PALM2AKAP2: variants seen among roughly 807,000 people sequenced by gnomAD.
PALM2AKAP2 encodes the protein PALM2 and AKAP2 fusion, also known as PALM2-AKAP2 fusion protein.
Under a neutral mutation model 71.5 loss-of-function variants are expected in PALM2AKAP2, and 37 were observed. The observed-to-expected ratio is 0.52, with a 90% CI of 0.40 to 0.68. PALM2AKAP2 has a LOEUF of 0.68. Among genes scored for constraint, PALM2AKAP2 ranks in the 30% least tolerant of loss-of-function variants. The probability of loss-of-function intolerance (pLI) is 0.00; values close to 1 mark genes in which losing one functional copy is unlikely to be tolerated. For missense variants in PALM2AKAP2, 1,224 were observed against 1,191.8 expected, an observed-to-expected ratio of 1.03 and a Z score of -0.40; for synonymous variants, 468 against 478.8, an observed-to-expected ratio of 0.98 and a Z score of 0.29.
At chr9:109,975,897 T>G (rs1832164485) in intron 6 of PALM2AKAP2, among the ~76,000 whole-genome samples, 2 of 152,218 alleles carry the variant, frequency 1.3e-5, no homozygotes, top group Non-Finnish European at 2.9e-5. Flanking sequence ...AAGAGCAGAT[T>G]AAGCAAGTAT....
rs192749545 is a variant in PALM2AKAP2, at chr9:109,816,175, C to T, written c.45+35642C>T. On this transcript the variant is annotated intron_variant, in intron 1 of 9. Coordinates refer to the PALM2AKAP2 transcript ENST00000302798. Reference sequence around the variant, plus strand: ...ATTTGTAGTGTCGTTCTCCTACACTCCAGGGCACCTTATGTAGGTGTTTGA... The same window carrying T: ...ATTTGTAGTGTCGTTCTCCTACACTTCAGGGCACCTTATGTAGGTGTTTGA... Among the ~76,000 whole-genome samples the T allele has an allele frequency of 1.1e-4, 16 of 152,262 alleles. No individual in the cohort carries two copies. The East Asian group carries it at 2.7e-3, about 26-fold the overall frequency.
chr9:109,844,367 A>C (rs1828792611), intron 1 of PALM2AKAP2, among the ~76,000 whole-genome samples: 1 of 152,240 alleles, frequency 6.6e-6, no homozygotes, highest in South Asian at 2.1e-4. Flanking sequence ...CAAAATGGAA[A>C]TACCCCAAAT....
intron 5 of PALM2AKAP2, among the ~76,000 whole-genome samples, chr9:109,930,621 A>C (rs1249171057): frequency 6.6e-6 from 1 of 152,248 alleles, no homozygotes; most frequent in Middle Eastern, 3.2e-3. Flanking sequence ...TTTGCAAGTC[A>C]GAAAAGGGTC....
chr9:110,154,482 C>CAAGTCT (rs1455132123), intron 2 of PALM2AKAP2, among the ~76,000 whole-genome samples: 1 of 152,108 alleles, frequency 6.6e-6, no homozygotes, highest in Non-Finnish European at 1.5e-5. Flanking sequence ...AATAATTCAG[C>CAAGTCT]AAGTCTAAGG....
At chr9:110,011,856 C>T (rs1185266574) in intron 6 of PALM2AKAP2, among the ~76,000 whole-genome samples, 1 of 152,226 alleles carries the variant, frequency 6.6e-6, no homozygotes, top group Non-Finnish European at 1.5e-5. Context: ...AGTGGGATGT[C>T]ATTCAGCTTC....
At chr9:109,750,399 T>C (rs901305185) in intron 1 of PALM2AKAP2, among the ~76,000 whole-genome samples, 2 of 152,142 alleles carry the variant, frequency 1.3e-5, no homozygotes, top group Non-Finnish European at 2.9e-5. Context: ...AAAATTCATA[T>C]AATTCTGCAA....
At chr9:109,730,356 G>A (rs1427941116) in intron 1 of PALM2AKAP2, among the ~76,000 whole-genome samples, 1 of 152,152 alleles carries the variant, frequency 6.6e-6, no homozygotes, top group South Asian at 2.1e-4. Context: ...CAAAACATAA[G>A]CATTATACTA....
chr9:110,092,010 T>C (rs1466041589), intron 1 of PALM2AKAP2, among the ~76,000 whole-genome samples: 2 of 152,150 alleles, frequency 1.3e-5, no homozygotes, highest in African/African-American at 4.8e-5. Context: ...TCTGACACTT[T>C]TCATGTGAAA....
intron 1 of PALM2AKAP2, among the ~76,000 whole-genome samples, chr9:109,674,605 G>A (rs951301019): frequency 2.0e-5 from 3 of 152,068 alleles, no homozygotes; most frequent in African/African-American, 7.2e-5. Flanking sequence ...CCTTTTGGGG[G>A]TTTAATGGGA....
At chr9:110,110,189 A>G (rs1835214272) in intron 1 of PALM2AKAP2, among the ~76,000 whole-genome samples, 2 of 152,262 alleles carry the variant, frequency 1.3e-5, no homozygotes, top group South Asian at 2.1e-4. Context: ...ATCAAGTTGC[A>G]TACCATAAAT....
chr9:110,018,582 C>G (rs777235656), intron 7 of PALM2AKAP2, among the ~76,000 whole-genome samples: 21 of 152,206 alleles, frequency 1.4e-4, no homozygotes, highest in Non-Finnish European at 2.8e-4. Context: ...CTGCCCGCCT[C>G]AGCCTCCCAA....
At chr9:109,683,639 A>G (rs568515987) in intron 1 of PALM2AKAP2, among the ~76,000 whole-genome samples, 31 of 152,270 alleles carry the variant, frequency 2.0e-4, no homozygotes, top group African/African-American at 7.0e-4. Flanking sequence ...GGAATCAAAT[A>G]TGCTTCATAA....
At chr9:109,918,820 C>G (rs1271239337) in intron 3 of PALM2AKAP2, among the ~76,000 whole-genome samples, 1 of 152,214 alleles carries the variant, frequency 6.6e-6, no homozygotes, top group Non-Finnish European at 1.5e-5. Context: ...CATAAACTCT[C>G]CATTTCCTTC....
chr9:110,087,441 G>A (rs1429441740), intron 1 of PALM2AKAP2, among the ~76,000 whole-genome samples: 3 of 152,144 alleles, frequency 2.0e-5, no homozygotes, highest in Non-Finnish European at 4.4e-5. Flanking sequence ...GTTCAGAGGT[G>A]GCTCTTCCCC....
rs369771760 is a variant in PALM2AKAP2 at position 110,080,697 on chromosome 9, G to A, written c.156+31842G>A. Among the ~76,000 whole-genome samples, 26 of 152,188 alleles carry A rather than the reference G, an allele frequency of 1.7e-4. No individual in the cohort carries two copies. In the South Asian group the frequency reaches 2.5e-3, roughly 15 times the overall value. ...GTTTTTTGTTTGTTTGTTTGTTTTTGAGGTGGAGTCTCACTCCGTTGCCCA... is the reference window on the plus strand; with the variant it reads ...GTTTTTTGTTTGTTTGTTTGTTTTTAAGGTGGAGTCTCACTCCGTTGCCCA... On this transcript the variant is annotated intron_variant, in intron 1 of 3. Transcript: ENST00000374525.
At chr9:110,057,630 G>T (rs931155492) in intron 1 of PALM2AKAP2, among the ~76,000 whole-genome samples, 1 of 151,642 alleles carries the variant, frequency 6.6e-6, no homozygotes, top group Non-Finnish European at 1.5e-5. Flanking sequence ...CGCCTGCCTC[G>T]GCCTCCCAAA....
At chr9:109,827,580 G>C (rs1376502214) in intron 1 of PALM2AKAP2, among the ~76,000 whole-genome samples, 2 of 152,178 alleles carry the variant, frequency 1.3e-5, no homozygotes, top group Admixed American at 1.3e-4. Flanking sequence ...CTGCACTCCA[G>C]CCTGGGCGAC....
Position 109,939,377 on chromosome 9 carries a change from G to A in PALM2AKAP2, c.496+7349G>A, listed in dbSNP as rs561304542. 2.7e-5 allele frequency among the ~76,000 whole-genome samples: 4 copies of A among 150,314 alleles called. No homozygotes were observed. The South Asian group carries it at 8.4e-4, about 32-fold the overall frequency. On this transcript the variant is annotated intron_variant, in intron 6 of 9. Coordinates refer to the PALM2AKAP2 transcript ENST00000302798. ...ATCAGCATTCTCATTGGTGGGAAGA[G>A]GGAGAGGGATATCTGTAAACATCCC... is the stretch of plus-strand genomic sequence containing the variant.
chr9:110,069,050 G>T (rs949959702), intron 1 of PALM2AKAP2, among the ~76,000 whole-genome samples: 1 of 152,202 alleles, frequency 6.6e-6, no homozygotes, highest in African/African-American at 2.4e-5. Flanking sequence ...TGAAGCCACA[G>T]TGTAATTCAC....
Sources: allele counts gnomAD v4.1 joint callset (sites outside exome capture counted in the v4.1 genomes callset), GRCh38; gene constraint gnomAD v4.1.1; transcripts MANE v1.5; gene names NCBI Gene and HGNC (gene_info 2026-07-23, HGNC 2026-07-21).